Variants in LRRK1 observed in about 807,000 individuals in gnomAD.
LRRK1 encodes the protein leucine rich repeat kinase 1.
In LRRK1, 113 loss-of-function variants were observed where a neutral mutation model predicts 209.1. That is an observed-to-expected ratio of 0.54 (90% CI 0.46 to 0.63). The LOEUF (loss-of-function observed/expected upper bound fraction) is 0.63. Ranked by LOEUF, LRRK1 falls within the 30% of genes least tolerant of loss-of-function variation. LRRK1 has a pLI of 0.00. For missense variants in LRRK1, 2,284 were observed against 2,632.2 expected, an observed-to-expected ratio of 0.87 and a Z score of 2.89; for synonymous variants, 1,144 against 1,099.7, an observed-to-expected ratio of 1.04 and a Z score of -0.80.
chr15:101,018,475 C>G (rs1387215594), intron 12 of LRRK1, among the ~76,000 whole-genome samples: 1 of 96,382 alleles, frequency 1.0e-5, no homozygotes, highest in African/African-American at 3.6e-5. Context: ...CTAGTGTAGA[C>G]CTCGGTCACG....
intron 2 of LRRK1, among the ~76,000 whole-genome samples, chr15:100,930,184 A>G (rs1217534430): frequency 6.6e-6 from 1 of 152,232 alleles, no homozygotes; most frequent in Non-Finnish European, 1.5e-5. Flanking sequence ...TCATTTAGAC[A>G]GATCGGAATC....
intron 2 of LRRK1, among the ~76,000 whole-genome samples, chr15:100,950,644 TG>T (rs1336516543): frequency 6.6e-6 from 1 of 152,144 alleles, no homozygotes; most frequent in Admixed American, 6.5e-5. Flanking sequence ...GGTAGTAAGT[TG>T]GACTTCATCA....
In LRRK1 at chr15:101,075,697, T is replaced by C. The variant is rs910325186; in HGVS notation, c.*6849T>C. 1 of 150,262 alleles carries C rather than the reference T, an allele frequency of 6.7e-6. No homozygotes were observed. The highest frequency in any genetic ancestry group is 2.5e-5 in the African/African-American group (1 of 40,610). The allele number at this position is 150,262 out of a possible 1,614,324, so 9.3% of individuals were successfully genotyped here. On this transcript the variant is annotated 3_prime_UTR_variant, in exon 34 of 34. Transcript: ENST00000388948. ...CAGGATCTGTGCCTTATCAACCACA[T>C]TGTTTTGCCTATCCACCCCATGGTG...
rs1002279860 is a variant in LRRK1, at chr15:101,022,040, A to G, written c.1852+83A>G. 1.0e-6 allele frequency: 1 copy of G among 958,480 alleles called. No individual in the cohort carries two copies. The highest frequency in any genetic ancestry group is 1.6e-6 in the Non-Finnish European group (1 of 626,676). 59.4% of individuals were successfully genotyped at this position (958,480 alleles called of 1,614,324 possible). A position where few individuals can be genotyped will look rare whatever the true frequency, so the allele number is the denominator to read the frequency against. Reference sequence around the variant, plus strand: ...CACTTGTTAAGTTCTGGGGGTGGAGACAGTTGGTGACCCATGGAGCCCAGC... The same window carrying G: ...CACTTGTTAAGTTCTGGGGGTGGAGGCAGTTGGTGACCCATGGAGCCCAGC... On this transcript the variant is annotated intron_variant, in intron 14 of 33. Transcript: ENST00000388948. The surrounding 1 kb of genome is among the most constrained non-coding windows in gnomAD (Gnocchi z 4.0).
At chr15:101,042,154 CTT>C (rs2034792322) in intron 20 of LRRK1, among the ~76,000 whole-genome samples, 1 of 152,232 alleles carries the variant, frequency 6.6e-6, no homozygotes, top group African/African-American at 2.4e-5. Flanking sequence ...GGTATAATCT[CTT>C]TTCATCCTGA....
At chr15:100,962,823 A>ATATATATTT in intron 2 of LRRK1, among the ~76,000 whole-genome samples, 9 of 11,546 alleles carry the variant, frequency 7.8e-4, no homozygotes, top group African/African-American at 2.0e-3. Flanking sequence ...ATATATATAT[A>ATATATATTT]TTTTTTTTTT....
At chr15:101,049,804 C>A in intron 23 of LRRK1, 21 bp downstream of exon 23, 1 of 1,606,604 alleles carries the variant, frequency 6.2e-7, no homozygotes, top group Non-Finnish European at 8.5e-7. Flanking sequence ...ATGCTAGAAG[C>A]AAGCCCTCAT....
At chr15:101,040,473 C>T (rs186138425) in intron 20 of LRRK1, among the ~76,000 whole-genome samples, 94 of 152,112 alleles carry the variant, frequency 6.2e-4, no homozygotes, top group African/African-American at 2.1e-3. Flanking sequence ...AAGAACGAAC[C>T]GTTGCCATTG....
chr15:100,937,877 G>T (rs569889528), intron 2 of LRRK1, among the ~76,000 whole-genome samples: 1 of 151,792 alleles, frequency 6.6e-6, no homozygotes, highest in South Asian at 2.1e-4. Context: ...TAGAGACAGG[G>T]TCTCACTCTG....
chr15:101,041,335 G>A (rs2034747289), intron 20 of LRRK1, among the ~76,000 whole-genome samples: 2 of 152,106 alleles, frequency 1.3e-5, no homozygotes, highest in Non-Finnish European at 2.9e-5. Context: ...CTTTTAATAG[G>A]AATATTTGAT....
At chr15:100,989,512 G>C in intron 6 of LRRK1, 114 bp downstream of exon 6, 1 of 1,135,298 alleles carries the variant, frequency 8.8e-7, no homozygotes, top group Admixed American at 2.1e-5. Context: ...TACAGGTCTG[G>C]AGATTGAGAA....
In LRRK1 at chr15:101,078,160, A is replaced by G. The variant is rs1463885137; in HGVS notation, c.*9312A>G. ...ATTTTCCTTTACCTACCCAAATCCT[A>G]TAAAACGGCCCCACCCCCATCTCCC... On this transcript the variant is annotated 3_prime_UTR_variant, in exon 34 of 34. Coordinates refer to ENST00000388948, the MANE Select transcript of LRRK1 (RefSeq NM_024652.6). 1 of 151,566 alleles carries G rather than the reference A, an allele frequency of 6.6e-6. No individual in the cohort carries two copies. The highest frequency in any genetic ancestry group is 6.6e-5 in the Admixed American group (1 of 15,190). The allele number at this position is 151,566 out of a possible 1,614,324, so 9.4% of individuals were successfully genotyped here.
chr15:100,944,994 A>T (rs563761728), intron 2 of LRRK1, among the ~76,000 whole-genome samples: 4 of 151,178 alleles, frequency 2.6e-5, no homozygotes, highest in African/African-American at 9.9e-5. Context: ...TGTTTCTTTC[A>T]CACATTAAGG....
Position 100,973,815 on chromosome 15 carries a change from A to G in LRRK1, c.109A>G (p.Thr37Ala). ...TTCCTCCCGCGCAGGTGCCGGGGAC[A>G]CGGGCGGCAAGCCGTCCACGCGGGG... The part of the protein sequence containing the change: ...AMETLNGAGD[T>A]GGKPSTRGGD... Residue 37 changes from threonine to alanine, a missense_variant, in exon 3 of 34, where the codon ACG becomes GCG. Coordinates refer to ENST00000388948, the MANE Select transcript of LRRK1 (RefSeq NM_024652.6). The G allele has an allele frequency of 7.7e-7, 1 of 1,292,002 alleles. No homozygotes were observed. Among genetic ancestry groups the G allele is most frequent in the Non-Finnish European group, 9.8e-7 (1 of 1,017,200 alleles). 80.0% of individuals were successfully genotyped at this position (1,292,002 alleles called of 1,614,324 possible). A position where few individuals can be genotyped will look rare whatever the true frequency, so the allele number is the denominator to read the frequency against.
chr15:101,008,697 A>G (rs1353847379), intron 6 of LRRK1, 140 bp from the exon 7 acceptor site: 1 of 661,116 alleles, frequency 1.5e-6, no homozygotes, highest in Non-Finnish European at 2.6e-6. Context: ...GCGGCCGAGA[A>G]GGACATGTGC....
At chr15:101,019,780 C>A (rs891961501) in intron 12 of LRRK1, among the ~76,000 whole-genome samples, 7 of 152,188 alleles carry the variant, frequency 4.6e-5, no homozygotes, top group African/African-American at 1.7e-4. Context: ...AGCTCCCAGG[C>A]ATGCTGTCCT....
chr15:100,965,041 C>T (rs1159266182), intron 2 of LRRK1, among the ~76,000 whole-genome samples: 2 of 152,264 alleles, frequency 1.3e-5, no homozygotes, highest in African/African-American at 2.4e-5. Flanking sequence ...CAGACTGGGG[C>T]GGTGTCTTTC....
chr15:100,994,059 A>C (rs191543589), intron 6 of LRRK1, among the ~76,000 whole-genome samples: 1 of 152,262 alleles, frequency 6.6e-6, no homozygotes, highest in African/African-American at 2.4e-5. Context: ...AATGATGATC[A>C]TCTAACCCTT....
intron 2 of LRRK1, among the ~76,000 whole-genome samples, chr15:100,965,921 A>G (rs1357388066): frequency 6.6e-6 from 1 of 152,208 alleles, no homozygotes; most frequent in Non-Finnish European, 1.5e-5. Flanking sequence ...TTCTACTATT[A>G]TTTTCCTACT....
Sources: gnomAD v4.1 joint callset for allele counts (sites outside exome capture counted in the v4.1 genomes callset) on GRCh38, gnomAD v4.1.1 for gene constraint, Gnocchi (gnomAD v3.1) non-coding constraint, MANE v1.5 for transcripts, NCBI Gene and HGNC (gene_info 2026-07-23, HGNC 2026-07-21) for gene names.